SMARCA2: variants seen among roughly 807,000 people sequenced by gnomAD.
SMARCA2 encodes the protein SWI/SNF related BAF chromatin remodeling complex subunit ATPase 2.
SMARCA2 carries 61 observed loss-of-function variants against 199.8 expected under a neutral mutation model. The observed-to-expected ratio is 0.31, with a 90% CI of 0.25 to 0.38. The LOEUF (loss-of-function observed/expected upper bound fraction) is 0.38. Ranked by LOEUF, SMARCA2 falls within the 10% of genes least tolerant of loss-of-function variation. The pLI is 1.00. For synonymous variants in SMARCA2, 935 were observed against 732.0 expected (o/e 1.28, Z -4.48); for missense variants, 1,344 against 2,012.2 (o/e 0.67, Z 6.35).
chr9:2,036,681 A>C (rs918090179), intron 3 of SMARCA2, among the ~76,000 whole-genome samples: 5 of 152,142 alleles, frequency 3.3e-5, no homozygotes, highest in African/African-American at 7.2e-5. Flanking sequence ...ATTTGAGGTA[A>C]AATTTTGTTG....
chr9:2,119,395 C>T lies in SMARCA2; in HGVS notation c.3685-63C>T. 9.3e-7 allele frequency: 1 copy of T among 1,080,820 alleles called. No individual in the cohort carries two copies. The highest frequency in any genetic ancestry group is 1.3e-5 in the South Asian group (1 of 79,792). The allele number at this position is 1,080,820 out of a possible 1,614,324, so 67.0% of individuals were successfully genotyped here. On this transcript the variant is annotated intron_variant, in intron 25 of 33. Coordinates refer to ENST00000349721, the MANE Select transcript of SMARCA2 (RefSeq NM_003070.5). This position sits in a 1 kb window ranked among gnomAD's most constrained non-coding sequence, Gnocchi z 4.6. ...CCCCTCTGGTCTGGAGGACAGATCA[C>T]TTACTTGTTTGTACCTTGCCCCAGC...
intron 27 of SMARCA2, among the ~76,000 whole-genome samples, chr9:2,132,240 T>C (rs1041394723): frequency 2.0e-5 from 3 of 152,220 alleles, no homozygotes; most frequent in Non-Finnish European, 2.9e-5. Context: ...AAATATTTCC[T>C]CACAGGTGTA....
chr9:2,132,208 T>C (rs1371029541), intron 27 of SMARCA2, among the ~76,000 whole-genome samples: 2 of 152,192 alleles, frequency 1.3e-5, no homozygotes, highest in African/African-American at 4.8e-5. Context: ...TGAAATTCTA[T>C]GGAAATACAC....
chr9:2,094,670 G>T (rs569698241), intron 19 of SMARCA2, among the ~76,000 whole-genome samples: 2 of 152,252 alleles, frequency 1.3e-5, no homozygotes, highest in Admixed American at 6.5e-5. Context: ...ATATCTTTGG[G>T]TCTGTAGCTA....
intron 1 of SMARCA2, among the ~76,000 whole-genome samples, chr9:2,025,304 C>G (rs1818779701): frequency 6.6e-6 from 1 of 152,066 alleles, no homozygotes. Context: ...GGGTGGGGAC[C>G]AGCAATGCAT....
intron 9 of SMARCA2, among the ~76,000 whole-genome samples, chr9:2,067,861 C>G (rs899020856): frequency 1.3e-5 from 2 of 152,184 alleles, no homozygotes; most frequent in African/African-American, 4.8e-5. Context: ...AGATAACAAT[C>G]TAGCTAGTCT....
chr9:2,067,041 A>G (rs1028117482), intron 9 of SMARCA2, among the ~76,000 whole-genome samples: 2 of 152,210 alleles, frequency 1.3e-5, no homozygotes, highest in African/African-American at 4.8e-5. Context: ...CCAAAGAATG[A>G]TGGGAGGAGT....
At chr9:2,097,962 G>A (rs1034248202) in intron 21 of SMARCA2, among the ~76,000 whole-genome samples, 3 of 152,088 alleles carry the variant, frequency 2.0e-5, no homozygotes, top group African/African-American at 7.2e-5. Flanking sequence ...TTCCTTTCTT[G>A]TTTCTGTCAT....
intron 29 of SMARCA2, among the ~76,000 whole-genome samples, chr9:2,176,023 G>A (rs1424334718): frequency 6.6e-6 from 1 of 151,800 alleles, no homozygotes; most frequent in African/African-American, 2.4e-5. Context: ...TGGGATTATA[G>A]CCATGCGCCA....
In SMARCA2 at chr9:2,159,867, A is replaced by G. The variant is rs1207795347; in HGVS notation, c.3982-1819A>G. The G allele has an allele frequency of 3.1e-6, 5 of 1,611,834 alleles. No individual in the cohort carries two copies. In the African/African-American group the frequency reaches 4.0e-5, roughly 13 times the overall value. ...TTGCTGGCTTGTTAATTTTATCCCC[A>G]CTAACTGTGATTTCTGATAGCCGGC... On this transcript the variant is annotated intron_variant, in intron 27 of 33. Transcript: ENST00000349721.
intron 28 of SMARCA2, among the ~76,000 whole-genome samples, chr9:2,166,881 C>A (rs145159145): frequency 2.8e-4 from 42 of 152,348 alleles, no homozygotes; most frequent in African/African-American, 8.9e-4. Context: ...GCTAGCCTTT[C>A]CAATCTATCA....
chr9:2,172,241 A>AC (rs1183784568), intron 29 of SMARCA2, among the ~76,000 whole-genome samples: 1 of 151,878 alleles, frequency 6.6e-6, no homozygotes, highest in Non-Finnish European at 1.5e-5. Context: ...GAAAATGGAA[A>AC]AAAAAAATGA....
intron 28 of SMARCA2, among the ~76,000 whole-genome samples, chr9:2,164,006 C>A (rs950354294): frequency 4.6e-5 from 7 of 152,076 alleles, no homozygotes; most frequent in Non-Finnish European, 7.3e-5. Flanking sequence ...CAGCACTTTG[C>A]CCAGCTCTCC....
chr9:2,080,884 T>A lies in SMARCA2; in HGVS notation c.2185-948T>A, dbSNP rs573655176. Reference sequence around the variant, plus strand: ...CATTGTTTTCTCTTTTATTTGAGCTTCTGAAGGGAGGCATGCATCTTACAG... The same window carrying A: ...CATTGTTTTCTCTTTTATTTGAGCTACTGAAGGGAGGCATGCATCTTACAG... On this transcript the variant is annotated intron_variant, in intron 14 of 33. Transcript: ENST00000349721. Among the ~76,000 whole-genome samples, 8 of 152,356 alleles carry A rather than the reference T, an allele frequency of 5.3e-5. No homozygotes were observed. In the South Asian group the frequency reaches 8.3e-4, roughly 16 times the overall value.
At chr9:2,177,616 G>T (rs537113862) in intron 29 of SMARCA2, among the ~76,000 whole-genome samples, 1 of 151,836 alleles carries the variant, frequency 6.6e-6, no homozygotes, top group Admixed American at 6.6e-5. Flanking sequence ...GCAGTGGCGC[G>T]ATCTCAGCTC....
chr9:2,056,856 C>T lies in SMARCA2; in HGVS notation c.1347+11C>T, dbSNP rs1415423383. 1.9e-6 allele frequency: 3 copies of T among 1,608,060 alleles called. No homozygotes were observed. The highest frequency in any genetic ancestry group is 1.7e-6 in the Non-Finnish European group (2 of 1,176,824). ...CGTCAGAAACACCAGGTTCTTAGAC[C>T]CTGGGCTTTGCTCACCCTCACTTTG... On this transcript the variant is annotated intron_variant, in intron 7 of 33. Coordinates refer to ENST00000349721, the MANE Select transcript of SMARCA2 (RefSeq NM_003070.5). The surrounding 1 kb of genome is among the most constrained non-coding windows in gnomAD (Gnocchi z 4.0).
At chr9:2,101,262 T>A (rs971959753) in intron 21 of SMARCA2, among the ~76,000 whole-genome samples, 1 of 152,064 alleles carries the variant, frequency 6.6e-6, no homozygotes, top group African/African-American at 2.4e-5. Context: ...AGAGGGTGGA[T>A]CTCCAGAAAT....
chr9:2,087,918 G>A (rs960214012), intron 18 of SMARCA2, among the ~76,000 whole-genome samples: 12 of 152,210 alleles, frequency 7.9e-5, no homozygotes, highest in Admixed American at 3.3e-4. Context: ...GAAGGTGAAA[G>A]AGAAAGCCGG....
At chr9:2,181,322 C>A in intron 29 of SMARCA2, 4 of 308,380 alleles carry the variant, frequency 1.3e-5, no homozygotes, top group Admixed American at 5.1e-5. Flanking sequence ...AAGGGAAATC[C>A]ACAGTGTATT....
Sources: gnomAD v4.1 joint callset for allele counts (sites outside exome capture counted in the v4.1 genomes callset) on GRCh38, gnomAD v4.1.1 for gene constraint, Gnocchi (gnomAD v3.1) non-coding constraint, MANE v1.5 for transcripts, NCBI Gene and HGNC (gene_info 2026-07-23, HGNC 2026-07-21) for gene names.